The following BANP variants were observed in gnomAD, a reference collection of about 807,000 sequenced individuals.
The protein encoded by BANP is protein BANP.
A neutral mutation model predicts 68.1 loss-of-function variants in BANP; 11 were observed. The ratio of observed to expected loss-of-function variants is 0.16; its 90% CI spans 0.10 to 0.27. The LOEUF (loss-of-function observed/expected upper bound fraction) is 0.27, where lower values mean the gene tolerates loss of function less well. BANP is among the 10% of genes least tolerant of loss of function. The probability of loss-of-function intolerance (pLI) is 1.00; values close to 1 mark genes in which losing one functional copy is unlikely to be tolerated. For missense variants in BANP, 504 were observed against 722.7 expected (o/e 0.70, Z 3.47); for synonymous variants, 329 against 303.2 (o/e 1.09, Z -0.88).
chr16:88,050,252 G>T lies in BANP; in HGVS notation c.1311+12241G>T, dbSNP rs1162886305. Among the ~76,000 whole-genome samples the T allele has an allele frequency of 2.0e-5, 3 of 152,120 alleles. No individual in the cohort carries two copies. The East Asian group carries it at 5.8e-4, about 29-fold the overall frequency. On this transcript the variant is annotated intron_variant, in intron 11 of 13. Transcript: ENST00000682872. The stretch of plus-strand genomic sequence containing the variant: ...GCTTACTGCAGCCTCTGCCTCCCGG[G>T]CTCAGGCAATCCTCCCACCTCAGCC...
At chr16:87,963,031 A>C (rs917650675) in intron 1 of BANP, among the ~76,000 whole-genome samples, 2 of 152,044 alleles carry the variant, frequency 1.3e-5, no homozygotes, top group African/African-American at 4.8e-5. Context: ...TCGTTTCGGG[A>C]GATTTAGCTT....
intron 11 of BANP, among the ~76,000 whole-genome samples, chr16:88,048,571 A>G (rs2082527436): frequency 6.6e-6 from 1 of 152,210 alleles, no homozygotes; most frequent in Non-Finnish European, 1.5e-5. Flanking sequence ...CTCACCACAG[A>G]TTAAAGAAAG....
At chr16:87,989,814 G>A (rs1224829704) in intron 4 of BANP, among the ~76,000 whole-genome samples, 3 of 119,408 alleles carry the variant, frequency 2.5e-5, no homozygotes, top group Non-Finnish European at 3.4e-5. Flanking sequence ...CCAGGACACA[G>A]GACACAGGGC....
rs143210504 is a variant in BANP, at chr16:88,033,189, G to T, written c.1144G>T (p.Ala382Ser). 5.3e-5 allele frequency: 85 copies of T among 1,610,920 alleles called. No individual in the cohort carries two copies. The African/African-American group carries it at 1.0e-3, about 20-fold the overall frequency. ...GCCGCAGGCCCTGCACTACGCGCTG[G>T]CCAACGCACAGCAGGTGCAGATCCA... ...PQPQALHYAL[A>S]NAQQVQIHQI... The change falls in exon 9 of 14, where the codon GCC (alanine) becomes TCC (serine). Residue 382 changes from alanine to serine, a missense_variant. Around this residue, in one of 3 missense-constraint regions of BANP, gnomAD observed 223 missense variants for 246.2 expected, o/e 0.91. Transcript: ENST00000682872.
At chr16:87,949,733 A>G (rs551862018), upstream of BANP, 5 of 148,704 alleles carry the variant, frequency 3.4e-5, no homozygotes, top group Non-Finnish European at 7.3e-5. Flanking sequence ...GGAACCTCCA[A>G]GCCTAATTCT....
chr16:88,068,673 G>A (rs1225524587), intron 12 of BANP, among the ~76,000 whole-genome samples: 2 of 151,908 alleles, frequency 1.3e-5, no homozygotes, highest in Non-Finnish European at 2.9e-5. Flanking sequence ...GGGTGGCTGC[G>A]GATCCACCCA....
chr16:88,032,345 AC>A (rs779263092), intron 8 of BANP, among the ~76,000 whole-genome samples: 35 of 150,722 alleles, frequency 2.3e-4, no homozygotes, highest in Non-Finnish European at 4.1e-4. Context: ...GGGATTACAG[AC>A]CCCCACCACC....
In BANP at chr16:87,961,411, C is replaced by CCCCCCA. The variant is rs2059119672; in HGVS notation, c.-69+9901_-69+9902insACCCCC. ...ACTCCTGGACTCACAGAATCTGCAC[C>CCCCCCA]CCCCCGGGCCTCCCAAAGTGCTGGG... On this transcript the variant is annotated intron_variant, in intron 1 of 13. Transcript: ENST00000682872. Among the ~76,000 whole-genome samples the CCCCCCA allele has an allele frequency of 2.8e-5, 4 of 141,534 alleles. 1 individual carries two copies. The highest frequency in any genetic ancestry group is 6.9e-5 in the Admixed American group (1 of 14,526). 92.9% of individuals were successfully genotyped at this position (141,534 alleles called of 152,430 possible).
intron 11 of BANP, among the ~76,000 whole-genome samples, chr16:88,058,903 G>A (rs540338314): frequency 6.6e-6 from 1 of 152,250 alleles, no homozygotes; most frequent in African/African-American, 2.4e-5. Flanking sequence ...TCAACGAAAA[G>A]CCCATAAAGT....
At chr16:87,953,404 C>A (rs991330294) in intron 1 of BANP, among the ~76,000 whole-genome samples, 4 of 151,978 alleles carry the variant, frequency 2.6e-5, no homozygotes, top group African/African-American at 7.3e-5. Flanking sequence ...AGATAGGATC[C>A]CCTGATGTTG....
chr16:87,977,301 C>T (rs879907807), intron 2 of BANP, among the ~76,000 whole-genome samples: 9 of 152,178 alleles, frequency 5.9e-5, no homozygotes, highest in African/African-American at 9.7e-5. Context: ...CGCCTGTAGT[C>T]CCAGCTGCTC....
At chr16:87,975,412 C>G (rs576939485) in intron 2 of BANP, among the ~76,000 whole-genome samples, 64 of 152,322 alleles carry the variant, frequency 4.2e-4, no homozygotes, top group African/African-American at 1.5e-3. Context: ...CACTTTGTCT[C>G]GAGGGCCATC....
intron 1 of BANP, among the ~76,000 whole-genome samples, chr16:87,968,737 C>CTTG (rs1203959571): frequency 3.3e-5 from 5 of 152,100 alleles, no homozygotes; most frequent in African/African-American, 1.2e-4. Context: ...GCTCCGAAGG[C>CTTG]TGAGCAAGAT....
rs182828452 is a variant in BANP at position 88,038,457 on chromosome 16, C to T, written c.1311+446C>T. Among the ~76,000 whole-genome samples the T allele has an allele frequency of 5.3e-3, 800 of 152,218 alleles. 8 individuals are homozygous for T. The highest frequency in any genetic ancestry group is 0.018 in the African/African-American group (729 of 41,498). On this transcript the variant is annotated intron_variant, in intron 11 of 13. Coordinates refer to ENST00000682872, the MANE Select transcript of BANP (RefSeq NM_001386991.1). ...AGCAGCTTTTGCGCTATGGCGGAAA[C>T]GTGCCCTCCCACCCCCGCCACCCCA...
At chr16:87,989,385 G>A (rs1417580864) in intron 4 of BANP, among the ~76,000 whole-genome samples, 1 of 152,246 alleles carries the variant, frequency 6.6e-6, no homozygotes, top group South Asian at 2.1e-4. Flanking sequence ...TTCGGTTGGT[G>A]CATTCGTTAT....
intron 11 of BANP, among the ~76,000 whole-genome samples, chr16:88,044,275 C>T (rs2081453289): frequency 6.6e-6 from 1 of 152,232 alleles, no homozygotes; most frequent in African/African-American, 2.4e-5. Context: ...GGTTCTAGAA[C>T]CCTCCTCTCT....
intron 4 of BANP, among the ~76,000 whole-genome samples, chr16:87,991,822 T>A (rs2065953207): frequency 6.6e-6 from 1 of 152,244 alleles, no homozygotes; most frequent in Non-Finnish European, 1.5e-5. Flanking sequence ...ATGTTACCTT[T>A]AAATAGAATT....
At chr16:88,037,120 G>A (rs2079559012) in intron 10 of BANP, among the ~76,000 whole-genome samples, 2 of 152,140 alleles carry the variant, frequency 1.3e-5, no homozygotes, top group Non-Finnish European at 2.9e-5. Flanking sequence ...TTTCCTTAGA[G>A]TCATTGAAAA....
At chr16:88,058,492 C>G (rs1005667610) in intron 11 of BANP, among the ~76,000 whole-genome samples, 1 of 152,338 alleles carries the variant, frequency 6.6e-6, no homozygotes, top group East Asian at 1.9e-4. Flanking sequence ...GGGGTCATTT[C>G]TGATCCACAG....
Sources: gnomAD v4.1 joint callset for allele counts (sites outside exome capture counted in the v4.1 genomes callset) on GRCh38, gnomAD v4.1.1 for gene constraint, gnomAD v4.1.1 regional missense constraint, MANE v1.5 for transcripts, NCBI Gene and HGNC (gene_info 2026-07-23, HGNC 2026-07-21) for gene names.